HS6ST1: variants seen among roughly 807,000 people sequenced by gnomAD.
HS6ST1 encodes the protein heparan-sulfate 6-O-sulfotransferase 1.
HS6ST1 carries 3 observed loss-of-function variants against 25.2 expected under a neutral mutation model. The observed-to-expected ratio is 0.12, with a 90% CI of 0.05 to 0.31. The LOEUF is 0.31. Ranked by LOEUF, HS6ST1 falls within the 10% of genes least tolerant of loss-of-function variation. The pLI is 1.00. For synonymous variants in HS6ST1, 204 were observed against 275.1 expected (o/e 0.74, Z 2.56); for missense variants, 310 against 609.6 (o/e 0.51, Z 5.18).
At chr2:128,302,853 C>T (rs141232401) in intron 1 of HS6ST1, among the ~76,000 whole-genome samples, 1,714 of 152,348 alleles carry the variant, frequency 0.011, 16 homozygotes, top group Non-Finnish European at 0.02. Context: ...GGAAGACAGC[C>T]GGCCAGTTCC....
At position 128,314,198 on chromosome 2, in the gene HS6ST1, G is replaced by A. The variant is rs552904442; in HGVS notation, c.527+3839C>T. On this transcript the variant is annotated intron_variant, in intron 1 of 1. Coordinates refer to ENST00000259241, the MANE Select transcript of HS6ST1 (RefSeq NM_004807.3). ...TTATGAAGGTAAGGTGGAAACTGTC[G>A]CATGCCACAGAAACGAAGGCTCTCA... Among the ~76,000 whole-genome samples, 18 of 152,096 alleles carry A rather than the reference G, an allele frequency of 1.2e-4. No homozygotes were observed. In the East Asian group the frequency reaches 3.3e-3, roughly 28 times the overall value.
rs1341463988 is a variant in HS6ST1, at chr2:128,268,119, C to T, written c.*43G>A. 1.3e-5 allele frequency: 18 copies of T among 1,428,106 alleles called. No individual in the cohort carries two copies. Among genetic ancestry groups the T allele is most frequent in the East Asian group, 2.4e-5 (1 of 41,232 alleles). 88.5% of individuals were successfully genotyped at this position (1,428,106 alleles called of 1,614,324 possible). A position where few individuals can be genotyped will look rare whatever the true frequency, so the allele number is the denominator to read the frequency against. ...GGACCTGTCGTCTGTCCTGTTTTAT[C>T]CCCCACACCCCCCAAGAGGCCTCCC... On this transcript the variant is annotated 3_prime_UTR_variant, in exon 2 of 2. Transcript: ENST00000259241.
chr2:128,286,690 AG>A (rs1693867084), intron 1 of HS6ST1, among the ~76,000 whole-genome samples: 1 of 152,242 alleles, frequency 6.6e-6, no homozygotes, highest in African/African-American at 2.4e-5. Context: ...ATAAAAAACA[AG>A]AGGCTTTATT....
intron 1 of HS6ST1, among the ~76,000 whole-genome samples, chr2:128,301,817 A>T (rs545044342): frequency 6.6e-6 from 1 of 152,178 alleles, no homozygotes; most frequent in African/African-American, 2.4e-5. Flanking sequence ...GGTCCCCGGC[A>T]CTCATGGACA....
At chr2:128,312,320 G>A (rs1038903966) in intron 1 of HS6ST1, among the ~76,000 whole-genome samples, 2 of 152,226 alleles carry the variant, frequency 1.3e-5, no homozygotes, top group Non-Finnish European at 2.9e-5. Context: ...CTTCTCTGGG[G>A]CCTGACTTCC....
intron 1 of HS6ST1, among the ~76,000 whole-genome samples, chr2:128,311,364 G>A (rs1016012664): frequency 4.6e-5 from 7 of 152,182 alleles, no homozygotes; most frequent in Non-Finnish European, 1.0e-4. Flanking sequence ...GAAAAGTGCT[G>A]GCAGGGGATG....
At chr2:128,312,851 C>T (rs191942286) in intron 1 of HS6ST1, among the ~76,000 whole-genome samples, 137 of 152,158 alleles carry the variant, frequency 9.0e-4, no homozygotes, top group African/African-American at 3.2e-3. Context: ...CCTGAGGTCC[C>T]GAGTTCGAGA....
At chr2:128,309,802 A>G (rs1292160490) in intron 1 of HS6ST1, among the ~76,000 whole-genome samples, 1 of 152,142 alleles carries the variant, frequency 6.6e-6, no homozygotes, top group African/African-American at 2.4e-5. Flanking sequence ...CAGTCTCCCC[A>G]TGGCACGCGG....
intron 1 of HS6ST1, among the ~76,000 whole-genome samples, chr2:128,312,546 G>A (rs840878): frequency 0.02 from 2,992 of 152,272 alleles, 111 homozygotes; most frequent in African/African-American, 0.065. Flanking sequence ...GGCACCCAGA[G>A]AGGGTGCACC....
chr2:128,277,042 G>A (rs951388661), intron 1 of HS6ST1, among the ~76,000 whole-genome samples: 4 of 152,116 alleles, frequency 2.6e-5, no homozygotes, highest in Admixed American at 6.5e-5. Context: ...AATGCTCCGT[G>A]GCCACACTGG....
intron 1 of HS6ST1, among the ~76,000 whole-genome samples, chr2:128,292,223 C>A: frequency 6.6e-6 from 1 of 152,190 alleles, no homozygotes; most frequent in East Asian, 1.9e-4. Flanking sequence ...GGAGAGGGAT[C>A]CCCAGAGGGT....
intron 1 of HS6ST1, among the ~76,000 whole-genome samples, chr2:128,287,934 C>A (rs928348235): frequency 6.6e-6 from 1 of 152,250 alleles, no homozygotes; most frequent in Non-Finnish European, 1.5e-5. Context: ...CACCTGCCTG[C>A]CTGGCACTTT....
chr2:128,303,018 T>C (rs1411484712), intron 1 of HS6ST1, among the ~76,000 whole-genome samples: 1 of 152,188 alleles, frequency 6.6e-6, no homozygotes, highest in East Asian at 1.9e-4. Context: ...GCTGACCACA[T>C]GTTTCTCTGG....
At chr2:128,268,962 G>A in intron 1 of HS6ST1, 92 bp from the exon 2 acceptor site, 1 of 1,106,578 alleles carries the variant, frequency 9.0e-7, no homozygotes, top group Admixed American at 1.9e-5. Flanking sequence ...CACTACAGGA[G>A]TTTGGGCTTC....
At chr2:128,288,029 C>T (rs139580967) in intron 1 of HS6ST1, among the ~76,000 whole-genome samples, 370 of 152,332 alleles carry the variant, frequency 2.4e-3, no homozygotes, top group African/African-American at 8.2e-3. Context: ...GGTGACAGTG[C>T]CCTGCTTCTT....
At chr2:128,292,280 T>C (rs939979702) in intron 1 of HS6ST1, among the ~76,000 whole-genome samples, 3 of 152,152 alleles carry the variant, frequency 2.0e-5, no homozygotes, top group African/African-American at 7.2e-5. Flanking sequence ...TATCCTTCCA[T>C]AGGGCCCACG....
chr2:128,270,261 G>A (rs1401006807), intron 1 of HS6ST1, among the ~76,000 whole-genome samples: 1 of 152,226 alleles, frequency 6.6e-6, no homozygotes, highest in Admixed American at 6.5e-5. Context: ...GGTGGAGGAA[G>A]GACCCAGCAG....
At position 128,266,110 on chromosome 2, in the gene HS6ST1, G is replaced by A. The variant is rs1001865688; in HGVS notation, c.*2052C>T. The A allele has an allele frequency of 9.9e-5, 15 of 151,814 alleles. No homozygotes were observed. Among genetic ancestry groups the A allele is most frequent in the African/African-American group, 2.7e-4 (11 of 41,368 alleles). 9.4% of individuals were successfully genotyped at this position (151,814 alleles called of 1,614,324 possible). On this transcript the variant is annotated 3_prime_UTR_variant, in exon 2 of 2. Transcript: ENST00000259241. ...TTCCAATATGTACAAAACAACCTGC[G>A]CTCAGGCCCGCGCACCCAGGAAGCC...
At position 128,266,475 on chromosome 2, in the gene HS6ST1, G is replaced by A. The variant is rs905582134; in HGVS notation, c.*1687C>T. 1.0e-4 allele frequency: 16 copies of A among 152,386 alleles called. No individual in the cohort carries two copies. The highest frequency in any genetic ancestry group is 3.8e-4 in the African/African-American group (16 of 41,594). The allele number at this position is 152,386 out of a possible 1,614,324, so 9.4% of individuals were successfully genotyped here. On this transcript the variant is annotated 3_prime_UTR_variant, in exon 2 of 2. Coordinates refer to ENST00000259241, the MANE Select transcript of HS6ST1 (RefSeq NM_004807.3). Reference sequence around the variant, plus strand: ...TGGACCCCAAAGTAAAATGGGGCCAGTGTAGGAGACCTGAGGGTGGGGCCC... The same window carrying A: ...TGGACCCCAAAGTAAAATGGGGCCAATGTAGGAGACCTGAGGGTGGGGCCC...
Sources: gnomAD v4.1 joint callset for allele counts (sites outside exome capture counted in the v4.1 genomes callset) on GRCh38, gnomAD v4.1.1 for gene constraint, MANE v1.5 for transcripts, NCBI Gene and HGNC (gene_info 2026-07-23, HGNC 2026-07-21) for gene names.